CADPS2: variants seen among roughly 807,000 people sequenced by gnomAD.
CADPS2 encodes the protein calcium dependent secretion activator 2, also known as calcium-dependent secretion activator 2.
In CADPS2, 93 loss-of-function variants were observed where a neutral mutation model predicts 172.5. That is an observed-to-expected ratio of 0.54 (90% CI 0.46 to 0.64). CADPS2 has a LOEUF of 0.64. Among genes scored for constraint, CADPS2 ranks in the 30% least tolerant of loss-of-function variants. CADPS2 has a pLI of 0.00. For missense variants in CADPS2, 1,420 were observed against 1,565.9 expected (o/e 0.91, Z 1.57); for synonymous variants, 546 against 555.2 (o/e 0.98, Z 0.23).
intron 8 of CADPS2, among the ~76,000 whole-genome samples, chr7:122,526,285 G>C (rs535450506): frequency 6.6e-6 from 1 of 152,046 alleles, no homozygotes; most frequent in South Asian, 2.1e-4. Context: ...TCCACCTCCC[G>C]GGTTCAAGTA....
chr7:122,382,472 T>C (rs867483206), intron 24 of CADPS2, among the ~76,000 whole-genome samples: 28 of 152,130 alleles, frequency 1.8e-4, no homozygotes, highest in Admixed American at 1.8e-3. Context: ...AACTAGTTCA[T>C]AAAAGCAGCT....
intron 8 of CADPS2, 137 bp from the exon 9 acceptor site, chr7:122,513,452 A>G (rs2060141992): frequency 3.1e-6 from 2 of 642,586 alleles, no homozygotes; most frequent in Admixed American, 6.0e-5. Flanking sequence ...GGAAAGTGAG[A>G]CAACCTGCAG....
At chr7:122,733,372 T>C (rs1049318691) in intron 2 of CADPS2, among the ~76,000 whole-genome samples, 1 of 151,978 alleles carries the variant, frequency 6.6e-6, no homozygotes, top group Non-Finnish European at 1.5e-5. Flanking sequence ...TCATTGAATA[T>C]ATTTGTGTGC....
intron 1 of CADPS2, among the ~76,000 whole-genome samples, chr7:122,800,371 T>G (rs944791994): frequency 6.6e-6 from 1 of 152,186 alleles, no homozygotes; most frequent in African/African-American, 2.4e-5. Context: ...AAATTTTACC[T>G]CATAAACAGA....
intron 2 of CADPS2, 58 bp from the exon 3 acceptor site, chr7:122,663,627 T>C (rs1266376937): frequency 7.9e-7 from 1 of 1,267,510 alleles, no homozygotes; most frequent in African/African-American, 1.5e-5. Context: ...GTGTAGATGC[T>C]AACACCACTT....
At chr7:122,802,385 C>T (rs965505814) in intron 1 of CADPS2, among the ~76,000 whole-genome samples, 4 of 152,220 alleles carry the variant, frequency 2.6e-5, no homozygotes, top group African/African-American at 4.8e-5. Flanking sequence ...GTTCCCTCTG[C>T]GTCACATGCT....
At chr7:122,527,615 AGAGTGT>A (rs1186831247) in intron 8 of CADPS2, among the ~76,000 whole-genome samples, 258 of 94,272 alleles carry the variant, frequency 2.7e-3, no homozygotes, top group African/African-American at 4.0e-3. Context: ...AGAGAGAGAG[AGAGTGT>A]GTGTGTGTGT....
At chr7:122,504,397 A>C (rs993162935) in intron 9 of CADPS2, among the ~76,000 whole-genome samples, 1 of 152,152 alleles carries the variant, frequency 6.6e-6, no homozygotes, top group Non-Finnish European at 1.5e-5. Flanking sequence ...AGGTGTTACT[A>C]TAACGCAGTA....
chr7:122,820,361 T>C (rs572044203), intron 1 of CADPS2, among the ~76,000 whole-genome samples: 1 of 151,936 alleles, frequency 6.6e-6, no homozygotes, highest in Non-Finnish European at 1.5e-5. Flanking sequence ...CTTGGCATAA[T>C]TCTCATAAAA....
At chr7:122,815,683 C>A (rs1584566043) in intron 1 of CADPS2, among the ~76,000 whole-genome samples, 1 of 152,138 alleles carries the variant, frequency 6.6e-6, no homozygotes, top group Middle Eastern at 3.4e-3. Flanking sequence ...GAGCATAAAT[C>A]CATATAAATT....
In CADPS2 at chr7:122,849,116, G is replaced by T. The variant is rs76886054; in HGVS notation, c.339+36883C>A. ...TAGTCTCCTTACTAAACTATACACGGACAACTCAGAAATTTGCATTTATAT... is the reference window on the plus strand; with the variant it reads ...TAGTCTCCTTACTAAACTATACACGTACAACTCAGAAATTTGCATTTATAT... On this transcript the variant is annotated intron_variant, in intron 1 of 29. Coordinates refer to ENST00000449022, the MANE Select transcript of CADPS2 (RefSeq NM_017954.11). Among the ~76,000 whole-genome samples, 233 of 152,164 alleles carry T rather than the reference G, an allele frequency of 1.5e-3. 4 individuals are homozygous for T. In the East Asian group the frequency reaches 0.038, roughly 25 times the overall value.
chr7:122,414,155 C>A, intron 18 of CADPS2, 79 bp from the exon 19 acceptor site: 2 of 1,045,584 alleles, frequency 1.9e-6, no homozygotes, highest in South Asian at 3.8e-5. Flanking sequence ...TAAAAAAGGT[C>A]ATCATAATAG....
chr7:122,833,690 C>T (rs1193814895), intron 1 of CADPS2, among the ~76,000 whole-genome samples: 3 of 152,110 alleles, frequency 2.0e-5, no homozygotes, highest in Admixed American at 2.0e-4. Context: ...GCCACCACGC[C>T]TGGCCTTTAT....
Position 122,422,952 on chromosome 7 carries a change from C to T in CADPS2, c.2477-6788G>A, listed in dbSNP as rs572218181. ...CCAGTCTGGGTGACAGAGTGAGACT[C>T]CGTCTCAAAATAAATAAATAAAAAT... On this transcript the variant is annotated intron_variant, in intron 17 of 29. Coordinates refer to ENST00000449022, the MANE Select transcript of CADPS2 (RefSeq NM_017954.11). Among the ~76,000 whole-genome samples, 4 of 152,126 alleles carry T rather than the reference C, an allele frequency of 2.6e-5. No individual in the cohort carries two copies. In the East Asian group the frequency reaches 5.8e-4, roughly 22 times the overall value.
At chr7:122,783,567 G>T (rs967231614) in intron 1 of CADPS2, among the ~76,000 whole-genome samples, 43 of 152,124 alleles carry the variant, frequency 2.8e-4, no homozygotes, top group African/African-American at 1.0e-3. Flanking sequence ...ATTCTGTTTT[G>T]CCAGTCCAGC....
intron 1 of CADPS2, among the ~76,000 whole-genome samples, chr7:122,792,403 G>A (rs1175221304): frequency 6.6e-6 from 1 of 152,108 alleles, no homozygotes; most frequent in African/African-American, 2.4e-5. Flanking sequence ...AGGTTATACT[G>A]AAATAACAGC....
At chr7:122,767,256 T>A (rs1313267285) in intron 1 of CADPS2, among the ~76,000 whole-genome samples, 1 of 152,190 alleles carries the variant, frequency 6.6e-6, no homozygotes, top group Non-Finnish European at 1.5e-5. Flanking sequence ...AAAAAGCATT[T>A]TTTTCCTCAT....
chr7:122,881,095 T>C (rs777091097), intron 1 of CADPS2, among the ~76,000 whole-genome samples: 1 of 152,230 alleles, frequency 6.6e-6, no homozygotes, highest in African/African-American at 2.4e-5. Flanking sequence ...GACTTTATAA[T>C]CTGGCAGTCA....
At chr7:122,486,521 G>C (rs2057827669) in intron 11 of CADPS2, among the ~76,000 whole-genome samples, 1 of 152,198 alleles carries the variant, frequency 6.6e-6, no homozygotes, top group African/African-American at 2.4e-5. Context: ...AACTTGAACA[G>C]ATAAGAAGTT....
Sources: gnomAD v4.1 joint callset for allele counts (sites outside exome capture counted in the v4.1 genomes callset) on GRCh38, gnomAD v4.1.1 for gene constraint, MANE v1.5 for transcripts, NCBI Gene and HGNC (gene_info 2026-07-23, HGNC 2026-07-21) for gene names.